Variants in LSS observed in about 807,000 individuals in gnomAD.
LSS encodes lanosterol synthase.
A neutral mutation model predicts 110.3 loss-of-function variants in LSS; 90 were observed. The ratio of observed to expected loss-of-function variants is 0.82; its 90% confidence interval spans 0.69 to 0.97. The LOEUF (loss-of-function observed/expected upper bound fraction) is 0.97. Among genes scored for constraint, LSS ranks in the 50% least tolerant of loss-of-function variants. The probability of loss-of-function intolerance (pLI) is 0.00; values close to 1 mark genes in which losing one functional copy is unlikely to be tolerated. For synonymous variants in LSS, 433 were observed against 400.0 expected (o/e 1.08, Z -0.98); for missense variants, 927 against 990.0 (o/e 0.94, Z 0.85).
rs978758659 is a variant in LSS at position 46,222,749 on chromosome 21, G to A, written c.320-11C>T. Reference sequence around the variant, plus strand: ...AAGTGATCAGGAGGCCTGTGTGGCAGGAGAGATGTTCCTCACTGGGGACAG... The same window carrying A: ...AAGTGATCAGGAGGCCTGTGTGGCAAGAGAGATGTTCCTCACTGGGGACAG... On this transcript the variant is annotated splice_polypyrimidine_tract_variant and intron_variant, in intron 3 of 21. Coordinates refer to ENST00000397728, the MANE Select transcript of LSS (RefSeq NM_002340.6). 4 of 1,606,438 alleles carry A rather than the reference G, an allele frequency of 2.5e-6. No individual in the cohort carries two copies. Among genetic ancestry groups the A allele is most frequent in the Non-Finnish European group, 3.4e-6 (4 of 1,173,916 alleles).
chr21:46,207,944 T>C (rs1372837977), intron 14 of LSS, among the ~76,000 whole-genome samples: 2 of 152,230 alleles, frequency 1.3e-5, no homozygotes, highest in Non-Finnish European at 2.9e-5. Context: ...TCTACTTCTT[T>C]CCTCTGCCTT....
chr21:46,206,208 T>C (rs2080046681), intron 16 of LSS, among the ~76,000 whole-genome samples: 1 of 152,164 alleles, frequency 6.6e-6, no homozygotes, highest in African/African-American at 2.4e-5. Flanking sequence ...AAGGCGGGTA[T>C]GTGAGGTGCC....
At chr21:46,210,984 C>T (rs761489712) in intron 11 of LSS, among the ~76,000 whole-genome samples, 47 of 152,226 alleles carry the variant, frequency 3.1e-4, no homozygotes, top group Non-Finnish European at 5.9e-4. Flanking sequence ...CTTCATGGGC[C>T]ACCAGGCAGG....
In LSS at chr21:46,190,944, C is replaced by T. The variant is rs1425164282; in HGVS notation, c.*160G>A. ...CAAGAGTCTAAGCCACCCACCCTGT[C>T]CCCATCCCTGCCTCCAGCCTGGCCC... On this transcript the variant is annotated 3_prime_UTR_variant, in exon 22 of 22. Transcript: ENST00000397728. The surrounding 1 kb of genome is among the most constrained non-coding windows in gnomAD (Gnocchi z 4.6). 2 of 785,842 alleles carry T rather than the reference C, an allele frequency of 2.5e-6. No individual in the cohort carries two copies. The highest frequency in any genetic ancestry group is 4.0e-6 in the Non-Finnish European group (2 of 497,782). 48.7% of individuals were successfully genotyped at this position (785,842 alleles called of 1,614,324 possible).
rs528126813 is a variant in LSS at position 46,195,679 on chromosome 21, T to A, written c.1814A>T (p.Asp605Val). The A allele has an allele frequency of 6.2e-7, 1 of 1,613,568 alleles. No individual in the cohort carries two copies. Among genetic ancestry groups the A allele is most frequent in the African/African-American group, 1.3e-5 (1 of 74,884 alleles). Residue 605 changes from aspartate to valine, a missense_variant, in exon 19 of 22, where the codon GAT becomes GTT. Coordinates refer to ENST00000397728, the MANE Select transcript of LSS (RefSeq NM_002340.6). ...AFACMGQTYR[D>V]GTACAEVSRA... ...CAGAGGACAGGCACTCACTCACCCA[T>A]CTCGGTAGGTCTGCCCCATACAGGC...
intron 13 of LSS, among the ~76,000 whole-genome samples, chr21:46,208,587 G>A (rs552393103): frequency 8.5e-5 from 13 of 152,268 alleles, no homozygotes; most frequent in Admixed American, 5.2e-4. Flanking sequence ...TCTCCCCACC[G>A]GCCAGAAGGC....
intron 18 of LSS, 21 bp downstream of exon 18, chr21:46,196,181 C>CAGG: frequency 6.2e-7 from 1 of 1,612,966 alleles, no homozygotes; most frequent in Non-Finnish European, 8.5e-7. Context: ...TCTCTGCACT[C>CAGG]ACGAGTGGAG....
chr21:46,227,411 A>G, intron 3 of LSS, 141 bp downstream of exon 3: 1 of 1,026,500 alleles, frequency 9.7e-7, no homozygotes. Context: ...CGACTCTGAC[A>G]TAGGGCAGAG....
At chr21:46,219,364 A>C in intron 6 of LSS, 112 bp downstream of exon 6, 1 of 628,240 alleles carries the variant, frequency 1.6e-6, no homozygotes, top group Non-Finnish European at 2.6e-6. Context: ...ACCCACCCAC[A>C]GAATGCCCAC....
In LSS at chr21:46,210,523, C is replaced by T. The variant is rs952887105; in HGVS notation, c.1194+165G>A. On this transcript the variant is annotated intron_variant, in intron 12 of 21. Transcript: ENST00000397728. The stretch of plus-strand genomic sequence containing the variant: ...ACCCAAGGCTGCTGGCCAAGGCCGC[C>T]CCCTCCACAGCACGACCCTCTGAAG... Among the ~76,000 whole-genome samples, 7 of 152,168 alleles carry T rather than the reference C, an allele frequency of 4.6e-5. No individual in the cohort carries two copies. The East Asian group carries it at 1.3e-3, about 29-fold the overall frequency.
chr21:46,209,587 C>T lies in LSS; in HGVS notation c.1233G>A (p.Leu411=), dbSNP rs770579028. Residue 411 remains leucine, a synonymous_variant, in exon 13 of 22, where the codon CTG becomes CTA. Transcript: ENST00000397728. This position sits in a 1 kb window ranked among gnomAD's most constrained non-coding sequence, Gnocchi z 4.4. Reference sequence around the variant, plus strand: ...GCCTCAGGAACTCATGAGCCTTCTGCAGGCAGGACGAAAACTCGGGCCTGT... The same window carrying T: ...GCCTCAGGAACTCATGAGCCTTCTGTAGGCAGGACGAAAACTCGGGCCTGT... ...GHHRPEFSSC[L]QKAHEFLRLS... The T allele has an allele frequency of 6.2e-7, 1 of 1,604,060 alleles. No homozygotes were observed. The highest frequency in any genetic ancestry group is 8.5e-7 in the Non-Finnish European group (1 of 1,176,012).
chr21:46,222,103 C>CAGGTT, intron 4 of LSS, 128 bp from the exon 5 acceptor site: 1 of 990,140 alleles, frequency 1.0e-6, no homozygotes, highest in Non-Finnish European at 1.5e-6. Flanking sequence ...CATAACATGC[C>CAGGTT]AACACAGGAG....
At position 46,228,456 on chromosome 21, in the gene LSS, G is replaced by A. The variant is rs373275028; in HGVS notation, c.158C>T (p.Ala53Val). ...TACGGTGTCCAGCCCCAGGGCGTAG[G>A]CTTCCAGGCCGGTCTGCTCGCGGCC... The part of the protein sequence containing the change: ...RAGREQTGLE[A>V]YALGLDTKNY... The change falls in exon 2 of 22, where the codon GCC (alanine) becomes GTC (valine). Residue 53 changes from alanine (A) to valine (V), a missense_variant. Ala to Val is a moderately conservative substitution (Grantham distance 64, BLOSUM62 0). Transcript: ENST00000397728. The A allele has an allele frequency of 6.2e-7, 1 of 1,603,518 alleles. No homozygotes were observed. The highest frequency in any genetic ancestry group is 1.3e-5 in the African/African-American group (1 of 74,992).
intron 14 of LSS, 101 bp downstream of exon 14, chr21:46,208,150 G>T: frequency 1.8e-6 from 2 of 1,118,944 alleles, no homozygotes; most frequent in Non-Finnish European, 2.6e-6. Context: ...CAAGGGAGGA[G>T]TCCCCCAGGG....
chr21:46,214,453 C>T (rs1231997367), intron 9 of LSS, among the ~76,000 whole-genome samples: 1 of 152,234 alleles, frequency 6.6e-6, no homozygotes, highest in Non-Finnish European at 1.5e-5. Flanking sequence ...TTGTGATCCA[C>T]TGAGGTGGCA....
At chr21:46,214,077 G>C (rs1485508226) in intron 9 of LSS, among the ~76,000 whole-genome samples, 2 of 152,258 alleles carry the variant, frequency 1.3e-5, no homozygotes, top group Admixed American at 6.5e-5. Context: ...GCCTTAGGCT[G>C]TGAGAAGGAG....
chr21:46,210,563 C>T (rs2080115798), intron 12 of LSS, 125 bp downstream of exon 12: 1 of 979,844 alleles, frequency 1.0e-6, no homozygotes, highest in East Asian at 2.6e-5. Flanking sequence ...AGGCCAGAGC[C>T]CAGGTCACTG....
At position 46,228,609 on chromosome 21, in the gene LSS, A is replaced by T; in HGVS notation, c.15-10T>A. The T allele has an allele frequency of 6.3e-7, 1 of 1,591,774 alleles. No homozygotes were observed. Among genetic ancestry groups the T allele is most frequent in the Non-Finnish European group, 8.5e-7 (1 of 1,175,818 alleles). On this transcript the variant is annotated splice_polypyrimidine_tract_variant and intron_variant, in intron 1 of 21. Coordinates refer to ENST00000397728, the MANE Select transcript of LSS (RefSeq NM_002340.6). ...TCGGCGCCGCAGACACCTGAGGACC[A>T]CCGGCCATCAGCGACCCAGGCCCCG...
intron 21 of LSS, 21 bp downstream of exon 21, chr21:46,191,860 C>A: frequency 6.2e-7 from 1 of 1,607,736 alleles, no homozygotes. Flanking sequence ...GCCTTGTGCG[C>A]TCAGGTCCCT....
Sources: gnomAD v4.1 joint callset for allele counts (sites outside exome capture counted in the v4.1 genomes callset) on GRCh38, gnomAD v4.1.1 for gene constraint, Gnocchi (gnomAD v3.1) non-coding constraint, MANE v1.5 for transcripts, NCBI Gene and HGNC (gene_info 2026-07-23, HGNC 2026-07-21) for gene names.